Variants in GSDME observed in about 807,000 individuals in gnomAD.
GSDME encodes the protein gasdermin-E.
GSDME carries 44 observed loss-of-function variants against 47.5 expected under a neutral mutation model. The ratio of observed to expected loss-of-function variants is 0.93; its 90% CI spans 0.73 to 1.19. The LOEUF (loss-of-function observed/expected upper bound fraction) is 1.19. Among genes scored for constraint, GSDME ranks in the 50% most tolerant of loss-of-function variants. The probability of loss-of-function intolerance (pLI) is 0.00; values close to 1 mark genes in which losing one functional copy is unlikely to be tolerated. For missense variants in GSDME, 663 were observed against 604.2 expected, an observed-to-expected ratio of 1.10 and a Z score of -1.02; for synonymous variants, 258 against 252.8, an observed-to-expected ratio of 1.02 and a Z score of -0.20.
rs565227628 is a variant in GSDME, at chr7:24,734,832, G to GT, written c.404+9729_404+9730insA. Among the ~76,000 whole-genome samples, 165 of 152,254 alleles carry GT rather than the reference G, an allele frequency of 1.1e-3. 1 individual carries two copies. Among genetic ancestry groups the GT allele is most frequent in the African/African-American group, 3.8e-3 (156 of 41,566 alleles). On this transcript the variant is annotated intron_variant, in intron 3 of 9. Transcript: ENST00000645220. ...TAGTTTCAAAAGAGCAAATCTAAGA[G>GT]GTATTGGCCTTAAAGAGGAAGGAGA...
At position 24,699,021 on chromosome 7, in the gene GSDME, T is replaced by A; in HGVS notation, c.*5A>T. On this transcript the variant is annotated 3_prime_UTR_variant, in exon 10 of 10. Coordinates refer to ENST00000645220, the MANE Select transcript of GSDME (RefSeq NM_001127453.2). ...GTAACACGTACTTCTAGTTCACATA[T>A]GACATCATGAATGTTCTCTGCCTAA... is the stretch of plus-strand genomic sequence containing the variant. 6.3e-7 allele frequency: 1 copy of A among 1,597,270 alleles called. No homozygotes were observed. The highest frequency in any genetic ancestry group is 8.6e-7 in the Non-Finnish European group (1 of 1,165,076).
intron 7 of GSDME, among the ~76,000 whole-genome samples, chr7:24,706,598 T>A (rs1470152377): frequency 6.6e-6 from 1 of 152,244 alleles, no homozygotes; most frequent in Non-Finnish European, 1.5e-5. Context: ...GGGGGCGTAC[T>A]TGCTGGAACT....
At chr7:24,729,668 G>A (rs376726220) in intron 3 of GSDME, among the ~76,000 whole-genome samples, 35 of 152,342 alleles carry the variant, frequency 2.3e-4, no homozygotes, top group African/African-American at 8.2e-4. Flanking sequence ...ACTGGAGGTA[G>A]AAGGAGCCTG....
chr7:24,749,267 C>T (rs989725227), intron 2 of GSDME, among the ~76,000 whole-genome samples: 7 of 151,986 alleles, frequency 4.6e-5, no homozygotes, highest in African/African-American at 1.5e-4. Flanking sequence ...TTTGGGAGAC[C>T]GAGGTGGGTG....
rs1790870325 is a variant in GSDME, at chr7:24,751,855, C to T, written c.-19-2062G>A. 3.3e-5 allele frequency among the ~76,000 whole-genome samples: 5 copies of T among 152,316 alleles called. No homozygotes were observed. The South Asian group carries it at 1.0e-3, about 32-fold the overall frequency. The stretch of plus-strand genomic sequence containing the variant: ...GATACAGAAACAAAAAATAATTTCT[C>T]TCCTCAATGAGCTACTAGTTTGGTG... On this transcript the variant is annotated intron_variant, in intron 1 of 9. Coordinates refer to ENST00000645220, the MANE Select transcript of GSDME (RefSeq NM_001127453.2).
At chr7:24,794,185 T>C in the GSDME span, among the ~76,000 whole-genome samples, 1 of 138,772 alleles carries the variant, frequency 7.2e-6, no homozygotes, top group Non-Finnish European at 1.5e-5. Flanking sequence ...TGTCTCTTCC[T>C]CTCTCTCTCT....
chr7:24,698,834 C>T lies in GSDME; in HGVS notation c.*192G>A. 1.6e-6 allele frequency: 1 copy of T among 621,404 alleles called. No homozygotes were observed. Among genetic ancestry groups the T allele is most frequent in the Non-Finnish European group, 2.9e-6 (1 of 343,300 alleles). The allele number at this position is 621,404 out of a possible 1,614,324, so 38.5% of individuals were successfully genotyped here. ...TGCTGGGTCACCAGCACAGGAGGGCCTCTGATAAGGAAAACTGTTTAAAGA... is the reference window on the plus strand; with the variant it reads ...TGCTGGGTCACCAGCACAGGAGGGCTTCTGATAAGGAAAACTGTTTAAAGA... On this transcript the variant is annotated 3_prime_UTR_variant, in exon 10 of 10. Transcript: ENST00000645220.
rs1789762923 is a variant in GSDME, at chr7:24,721,053, T to C, written c.405-1835A>G. Among the ~76,000 whole-genome samples the C allele has an allele frequency of 6.6e-6, 1 of 152,220 alleles. No individual in the cohort carries two copies. Among genetic ancestry groups the C allele is most frequent in the Admixed American group, 6.5e-5 (1 of 15,292 alleles). ...GAAATATCTGGAACAGGCAAATTCA[T>C]AATGACAGAAAGCAGATTGGAGGTT... On this transcript the variant is annotated intron_variant, in intron 3 of 9. Coordinates refer to ENST00000645220, the MANE Select transcript of GSDME (RefSeq NM_001127453.2). This position sits in a 1 kb window ranked among gnomAD's most constrained non-coding sequence, Gnocchi z 4.1.
At chr7:24,783,797 C>G in the GSDME span, among the ~76,000 whole-genome samples, 2 of 151,954 alleles carry the variant, frequency 1.3e-5, no homozygotes, top group African/African-American at 4.8e-5. Context: ...GGGGAGGAGT[C>G]TAGAATTACT....
At chr7:24,751,837 A>C (rs935158528) in intron 1 of GSDME, among the ~76,000 whole-genome samples, 5 of 152,252 alleles carry the variant, frequency 3.3e-5, no homozygotes, top group African/African-American at 1.2e-4. Context: ...TAGGATACAG[A>C]AACAAAAAAT....
rs1791023970 is a variant in GSDME at position 24,756,562 on chromosome 7, C to G, written c.-20+834G>C. ...TTTCATTCCACTTGGACTTGCCCCA[C>G]CTGCCTGCGTCTCGAGGACAGCGAC... On this transcript the variant is annotated intron_variant, in intron 1 of 9. Transcript: ENST00000645220. The surrounding 1 kb of genome is among the most constrained non-coding windows in gnomAD (Gnocchi z 4.2). Among the ~76,000 whole-genome samples, 1 of 152,248 alleles carries G rather than the reference C, an allele frequency of 6.6e-6. No individual in the cohort carries two copies. The highest frequency in any genetic ancestry group is 2.4e-5 in the African/African-American group (1 of 41,456).
the GSDME span, among the ~76,000 whole-genome samples, chr7:24,777,187 T>A: frequency 6.6e-6 from 1 of 152,168 alleles, no homozygotes; most frequent in Non-Finnish European, 1.5e-5. Context: ...GTTGAACTCT[T>A]CAGTAAAAAT....
the GSDME span, among the ~76,000 whole-genome samples, chr7:24,786,685 G>A: frequency 2.0e-5 from 3 of 152,182 alleles, no homozygotes; most frequent in Admixed American, 6.5e-5. This position sits in a 1 kb window ranked among gnomAD's most constrained non-coding sequence, Gnocchi z 5.5. Context: ...AGTCTAAATG[G>A]GTACAGAGTT....
rs1789546695 is a variant in GSDME at position 24,716,191 on chromosome 7, A to G, written c.697+1063T>C. Among the ~76,000 whole-genome samples the G allele has an allele frequency of 6.6e-6, 1 of 152,190 alleles. No individual in the cohort carries two copies. The highest frequency in any genetic ancestry group is 1.5e-5 in the Non-Finnish European group (1 of 68,032). The stretch of plus-strand genomic sequence containing the variant: ...CTTTTAAAAACTGCTGTTACAGAAA[A>G]TGTCAAACTGCACAGGAATAGAGAG... On this transcript the variant is annotated intron_variant, in intron 5 of 9. Coordinates refer to ENST00000645220, the MANE Select transcript of GSDME (RefSeq NM_001127453.2). This position sits in a 1 kb window ranked among gnomAD's most constrained non-coding sequence, Gnocchi z 4.5.
At chr7:24,717,449 C>T (rs1789611171) in intron 4 of GSDME, 75 bp from the exon 5 acceptor site, 6 of 1,606,352 alleles carry the variant, frequency 3.7e-6, no homozygotes, top group Admixed American at 3.4e-5. Context: ...TGCAGCCAGC[C>T]TCGTGCCTTA....
chr7:24,729,856 G>C (rs936247888), intron 3 of GSDME, among the ~76,000 whole-genome samples: 1 of 152,190 alleles, frequency 6.6e-6, no homozygotes, highest in South Asian at 2.1e-4. Context: ...AAGGGGATCC[G>C]ACTGGCTACC....
chr7:24,794,129 C>T, the GSDME span, among the ~76,000 whole-genome samples: 5 of 150,740 alleles, frequency 3.3e-5, no homozygotes, highest in Non-Finnish European at 7.5e-5. Context: ...TTTTTCTTAA[C>T]TACTTGTATA....
At chr7:24,774,239 TTCCCTCTCCCTCCC>T in the GSDME span, among the ~76,000 whole-genome samples, 1,311 of 143,538 alleles carry the variant, frequency 9.1e-3, 35 homozygotes, top group African/African-American at 0.032. Flanking sequence ...TTGGTCTGTC[TTCCCTCTCCCTCCC>T]TCCCTCCCTT....
chr7:24,706,387 G>A lies in GSDME; in HGVS notation c.991-11C>T, dbSNP rs373365401. Reference sequence around the variant, plus strand: ...GACCAGGTCATCGCACTGTAGGGCAGGGAAGAAGAAGGGTCATGACACAGC... The same window carrying A: ...GACCAGGTCATCGCACTGTAGGGCAAGGAAGAAGAAGGGTCATGACACAGC... On this transcript the variant is annotated splice_polypyrimidine_tract_variant and intron_variant, in intron 7 of 9. Coordinates refer to ENST00000645220, the MANE Select transcript of GSDME (RefSeq NM_001127453.2). 2.5e-5 allele frequency: 41 copies of A among 1,611,136 alleles called. No homozygotes were observed. Among genetic ancestry groups the A allele is most frequent in the Non-Finnish European group, 3.1e-5 (37 of 1,179,466 alleles).
Sources: allele counts gnomAD v4.1 joint callset (sites outside exome capture counted in the v4.1 genomes callset), GRCh38; gene constraint gnomAD v4.1.1; non-coding constraint Gnocchi (gnomAD v3.1); transcripts MANE v1.5; gene names NCBI Gene and HGNC (gene_info 2026-07-23, HGNC 2026-07-21).